Variants in ACSS1 observed in about 807,000 individuals in gnomAD.
ACSS1 encodes the protein acetyl-coenzyme A synthetase 2-like, mitochondrial.
In ACSS1, 42 loss-of-function variants were observed where a neutral mutation model predicts 75.3. That is an observed-to-expected ratio of 0.56 (90% CI 0.44 to 0.72). ACSS1 has a LOEUF of 0.72. Among genes scored for constraint, ACSS1 ranks in the 30% least tolerant of loss-of-function variants. The pLI, the probability that ACSS1 is intolerant of heterozygous loss-of-function variation, is 0.00. For synonymous variants in ACSS1, 380 were observed against 376.8 expected, an observed-to-expected ratio of 1.01 and a Z score of -0.10; for missense variants, 782 against 935.7, an observed-to-expected ratio of 0.84 and a Z score of 2.14.
At chr20:25,029,467 T>C (rs2122678246) in intron 3 of ACSS1, among the ~76,000 whole-genome samples, 2 of 152,324 alleles carry the variant, frequency 1.3e-5, no homozygotes, top group Middle Eastern at 3.4e-3. Context: ...TACAGTTCTT[T>C]GATAAGTTAA....
At position 25,006,832 on chromosome 20, in the gene ACSS1, C is replaced by T. The variant is rs749555334; in HGVS notation, c.*930G>A. ...CAACCACAGAGTGAAGGTCAGGCAG[C>T]GTTTGCCAGGATTTGGCTCTGACCA... is the stretch of plus-strand genomic sequence containing the variant. On this transcript the variant is annotated 3_prime_UTR_variant, in exon 14 of 14. Transcript: ENST00000323482. 31 of 1,535,206 alleles carry T rather than the reference C, an allele frequency of 2.0e-5. No homozygotes were observed. Among genetic ancestry groups the T allele is most frequent in the Non-Finnish European group, 2.4e-5 (28 of 1,146,626 alleles).
chr20:25,056,223 C>T (rs1359353348), intron 1 of ACSS1, among the ~76,000 whole-genome samples: 1 of 152,134 alleles, frequency 6.6e-6, no homozygotes, highest in Admixed American at 6.5e-5. Flanking sequence ...TGTGAATGTT[C>T]CCCATGACCT....
intron 5 of ACSS1, 65 bp downstream of exon 5, chr20:25,022,875 A>G: frequency 1.3e-6 from 2 of 1,507,050 alleles, no homozygotes; most frequent in Non-Finnish European, 1.8e-6. Context: ...CAGCAGGAGG[A>G]CTTCCAGCCC....
chr20:25,057,405 T>C (rs1434621143), intron 1 of ACSS1, among the ~76,000 whole-genome samples: 5 of 152,094 alleles, frequency 3.3e-5, no homozygotes, highest in African/African-American at 1.2e-4. Flanking sequence ...GGCGCTCGGG[T>C]GTAGCCCGCG....
chr20:25,029,908 T>C (rs995968268), intron 3 of ACSS1, among the ~76,000 whole-genome samples: 3 of 152,204 alleles, frequency 2.0e-5, no homozygotes, highest in Non-Finnish European at 2.9e-5. Context: ...ATAACCTTTG[T>C]AGAGTGCTTA....
chr20:25,007,674 G>C lies in ACSS1; in HGVS notation c.*88C>G. The C allele has an allele frequency of 6.5e-7, 1 of 1,548,656 alleles. No homozygotes were observed. Among genetic ancestry groups the C allele is most frequent in the South Asian group, 1.2e-5 (1 of 80,486 alleles). Reference sequence around the variant, plus strand: ...GGTGGGGGCTGCTTCTGGGACGTAGGAAGACGCCAACCTCAGGGGTACCTT... The same window carrying C: ...GGTGGGGGCTGCTTCTGGGACGTAGCAAGACGCCAACCTCAGGGGTACCTT... On this transcript the variant is annotated 3_prime_UTR_variant, in exon 14 of 14. Transcript: ENST00000323482.
chr20:25,045,429 C>G (rs145837532), intron 2 of ACSS1, among the ~76,000 whole-genome samples: 1 of 152,250 alleles, frequency 6.6e-6, no homozygotes, highest in African/African-American at 2.4e-5. Flanking sequence ...CCTAAGGTCA[C>G]GGTGGGGACC....
In ACSS1 at chr20:25,006,608, T is replaced by C. The variant is rs2088312311; in HGVS notation, c.*1154A>G. 1.2e-5 allele frequency: 6 copies of C among 507,020 alleles called. 1 individual carries two copies. Among genetic ancestry groups the C allele is most frequent in the South Asian group, 1.2e-4 (5 of 43,128 alleles). The allele number at this position is 507,020 out of a possible 1,614,324, so 31.4% of individuals were successfully genotyped here. A position where few individuals can be genotyped will look rare whatever the true frequency, so the allele number is the denominator to read the frequency against. On this transcript the variant is annotated 3_prime_UTR_variant, in exon 14 of 14. Coordinates refer to ENST00000323482, the MANE Select transcript of ACSS1 (RefSeq NM_032501.4). ...CAAAGAGGACAAACTCTCCCTCCCC[T>C]AAGGGACCCGGCTCACTGGGCCTCC... is the stretch of plus-strand genomic sequence containing the variant.
intron 1 of ACSS1, 101 bp from the exon 2 acceptor site, chr20:25,048,282 C>T: frequency 1.1e-6 from 1 of 924,682 alleles, no homozygotes; most frequent in Non-Finnish European, 1.7e-6. Flanking sequence ...CTGTGGCTCT[C>T]TCTTCTTCCA....
At chr20:25,050,579 G>C (rs2089161322) in intron 1 of ACSS1, among the ~76,000 whole-genome samples, 1 of 152,092 alleles carries the variant, frequency 6.6e-6, no homozygotes, top group African/African-American at 2.4e-5. Context: ...CCCAGGTGTA[G>C]ATGAGCAAAC....
chr20:25,041,220 T>G (rs2088996765), intron 2 of ACSS1, among the ~76,000 whole-genome samples: 1 of 148,588 alleles, frequency 6.7e-6, no homozygotes, highest in Non-Finnish European at 1.5e-5. Context: ...ATTGCGCCAC[T>G]GTACTCCAGC....
chr20:25,039,651 G>A (rs1183781687), intron 2 of ACSS1, among the ~76,000 whole-genome samples: 1 of 152,182 alleles, frequency 6.6e-6, no homozygotes, highest in East Asian at 1.9e-4. Context: ...CCCAGGCACA[G>A]GCAGGTCAAA....
intron 7 of ACSS1, among the ~76,000 whole-genome samples, chr20:25,018,717 C>G (rs1568832703): frequency 6.6e-6 from 1 of 152,168 alleles, no homozygotes; most frequent in Non-Finnish European, 1.5e-5. Flanking sequence ...CATATTTGCT[C>G]TTATTAATAG....
chr20:25,044,982 G>T (rs562714374), intron 2 of ACSS1, among the ~76,000 whole-genome samples: 9 of 152,216 alleles, frequency 5.9e-5, no homozygotes, highest in Non-Finnish European at 1.3e-4. Context: ...GGCAGGGGAG[G>T]GGGTCCTCCT....
chr20:25,006,991 CAG>C lies in ACSS1; in HGVS notation c.*769_*770del. The C allele has an allele frequency of 6.5e-7, 1 of 1,533,928 alleles. No homozygotes were observed. On this transcript the variant is annotated 3_prime_UTR_variant, in exon 14 of 14. Coordinates refer to ENST00000323482, the MANE Select transcript of ACSS1 (RefSeq NM_032501.4). Reference sequence around the variant, plus strand: ...CTTTCTGGATCACAGCTTGAAGAAACAGAACATAACTGGAGTAGCTTCAGAAC... The same window carrying C: ...CTTTCTGGATCACAGCTTGAAGAAACAACATAACTGGAGTAGCTTCAGAAC...
At chr20:25,013,070 G>T in intron 10 of ACSS1, 131 bp from the exon 11 acceptor site, 3 of 1,360,612 alleles carry the variant, frequency 2.2e-6, no homozygotes, top group Non-Finnish European at 3.0e-6. Context: ...TTGCAACTCC[G>T]ATGCTTCCCT....
intron 1 of ACSS1, among the ~76,000 whole-genome samples, chr20:25,055,163 T>G (rs1169914381): frequency 6.6e-6 from 1 of 152,208 alleles, no homozygotes. Context: ...ATTTTGCCCT[T>G]TGACATGAGT....
rs1388046666 is a variant in ACSS1, at chr20:25,013,899, G to T, written c.1452+62C>A. 7 of 1,522,374 alleles carry T rather than the reference G, an allele frequency of 4.6e-6. No individual in the cohort carries two copies. The African/African-American group carries it at 5.5e-5, about 12-fold the overall frequency. The allele number at this position is 1,522,374 out of a possible 1,614,324, so 94.3% of individuals were successfully genotyped here. A position where few individuals can be genotyped will look rare whatever the true frequency, so the allele number is the denominator to read the frequency against. ...TGGGCACACAGGAGAGAGCTGGGCT[G>T]GGCAGGCAGGGACAAGGGAGGGCAA... On this transcript the variant is annotated intron_variant, in intron 9 of 13. Coordinates refer to ENST00000323482, the MANE Select transcript of ACSS1 (RefSeq NM_032501.4).
intron 2 of ACSS1, among the ~76,000 whole-genome samples, chr20:25,034,559 A>G (rs1426872653): frequency 6.6e-6 from 1 of 151,518 alleles, no homozygotes; most frequent in East Asian, 1.9e-4. Flanking sequence ...CCTTGACCTC[A>G]ATTCTATATT....
Sources: allele counts gnomAD v4.1 joint callset (sites outside exome capture counted in the v4.1 genomes callset), GRCh38; gene constraint gnomAD v4.1.1; transcripts MANE v1.5; gene names NCBI Gene and HGNC (gene_info 2026-07-23, HGNC 2026-07-21).